The following GPAT3 variants were observed in gnomAD, a reference collection of about 807,000 sequenced individuals.
GPAT3 encodes glycerol-3-phosphate acyltransferase 3, also known as 1-AGP acyltransferase 9.
GPAT3 carries 53 observed loss-of-function variants against 58.8 expected under a neutral mutation model. The observed-to-expected ratio is 0.90, with a 90% confidence interval of 0.72 to 1.13. GPAT3 has a LOEUF of 1.13. GPAT3 is among the 50% of genes most tolerant of loss of function. GPAT3 has a pLI of 0.00. For synonymous variants in GPAT3, 197 were observed against 187.4 expected (o/e 1.05, Z -0.42); for missense variants, 511 against 527.6 (o/e 0.97, Z 0.31).
intron 2 of GPAT3, among the ~76,000 whole-genome samples, chr4:83,547,442 C>T (rs189795069): frequency 7.3e-4 from 111 of 151,532 alleles, no homozygotes; most frequent in African/African-American, 1.8e-3. Flanking sequence ...TTAGTAGAGA[C>T]GGGGTTTCAC....
At chr4:83,574,381 C>CA (rs1725707734) in intron 2 of GPAT3, among the ~76,000 whole-genome samples, 1 of 152,182 alleles carries the variant, frequency 6.6e-6, no homozygotes, top group Non-Finnish European at 1.5e-5. Context: ...GAGATGGTTT[C>CA]AACTTCTGCC....
intron 11 of GPAT3, among the ~76,000 whole-genome samples, chr4:83,604,231 C>G (rs564859167): frequency 1.3e-5 from 2 of 152,164 alleles, no homozygotes; most frequent in African/African-American, 4.8e-5. Flanking sequence ...ACCACCATGC[C>G]CAGCTAATTT....
In GPAT3 at chr4:83,604,913, G is replaced by A. The variant is rs1000611756; in HGVS notation, c.*146G>A. ...TCTCTACCTCTTTATGCCAGAGGCA[G>A]AACCTACAGGTGCCCTTTTTGGCTT... On this transcript the variant is annotated 3_prime_UTR_variant, in exon 12 of 12. Coordinates refer to ENST00000264409, the MANE Select transcript of GPAT3 (RefSeq NM_032717.5). 4.5e-6 allele frequency: 3 copies of A among 669,268 alleles called. No homozygotes were observed. Among genetic ancestry groups the A allele is most frequent in the Admixed American group, 3.2e-5 (1 of 31,726 alleles). 41.5% of individuals were successfully genotyped at this position (669,268 alleles called of 1,614,324 possible). A position where few individuals can be genotyped will look rare whatever the true frequency, so the allele number is the denominator to read the frequency against.
chr4:83,556,743 A>C (rs534254578), intron 2 of GPAT3, among the ~76,000 whole-genome samples: 33 of 152,136 alleles, frequency 2.2e-4, no homozygotes, highest in African/African-American at 7.7e-4. Context: ...GGAATATGCA[A>C]TGATGAAAAA....
chr4:83,573,690 T>G (rs1725684718), intron 2 of GPAT3, among the ~76,000 whole-genome samples: 1 of 152,186 alleles, frequency 6.6e-6, no homozygotes, highest in South Asian at 2.1e-4. Context: ...TTGCCAAGGA[T>G]CTGAGCCCCT....
At chr4:83,537,521 G>C (rs1381269656) in intron 1 of GPAT3, among the ~76,000 whole-genome samples, 1 of 151,966 alleles carries the variant, frequency 6.6e-6, no homozygotes, top group African/African-American at 2.4e-5. Context: ...TCAGAGATCA[G>C]TGGTTTCTTT....
At position 83,548,027 on chromosome 4, in the gene GPAT3, A is replaced by G. The variant is rs1724612042; in HGVS notation, c.208+3425A>G. Among the ~76,000 whole-genome samples the G allele has an allele frequency of 2.0e-5, 3 of 152,172 alleles. No homozygotes were observed. In the South Asian group the frequency reaches 6.2e-4, roughly 31 times the overall value. ...ACTTTTCCTCATTGTTAACACAAAG[A>G]AAAAGGTAAATCTTTTTCCCCACTT... is the stretch of plus-strand genomic sequence containing the variant. On this transcript the variant is annotated intron_variant, in intron 2 of 11. Coordinates refer to ENST00000264409, the MANE Select transcript of GPAT3 (RefSeq NM_032717.5).
intron 8 of GPAT3, among the ~76,000 whole-genome samples, chr4:83,597,149 CG>C (rs1424906628): frequency 6.6e-6 from 1 of 152,002 alleles, no homozygotes; most frequent in Non-Finnish European, 1.5e-5. Context: ...CAGAATTGTC[CG>C]TGACTTTAAG....
At position 83,578,829 on chromosome 4, in the gene GPAT3, A is replaced by C. The variant is rs149857265; in HGVS notation, c.209-2733A>C. ...TTAGACTTGACTTCTGAAAAAGAGA[A>C]CCTAATAATCATTCAAGAACTTACT... On this transcript the variant is annotated intron_variant, in intron 2 of 11. Coordinates refer to ENST00000264409, the MANE Select transcript of GPAT3 (RefSeq NM_032717.5). Among the ~76,000 whole-genome samples the C allele has an allele frequency of 6.9e-3, 1,040 of 151,610 alleles. 15 individuals are homozygous for C. The highest frequency in any genetic ancestry group is 0.024 in the African/African-American group (985 of 40,976).
At chr4:83,569,013 A>G (rs1725507738) in intron 2 of GPAT3, among the ~76,000 whole-genome samples, 1 of 152,182 alleles carries the variant, frequency 6.6e-6, no homozygotes, top group South Asian at 2.1e-4. Flanking sequence ...GTGACCTCCC[A>G]GTGTTCTAAT....
Position 83,605,544 on chromosome 4 carries a change from C to A in GPAT3, c.*777C>A, listed in dbSNP as rs541695419. 5.7e-3 allele frequency: 586 copies of A among 103,282 alleles called. 2 individuals carry two copies. The highest frequency in any genetic ancestry group is 9.3e-3 in the Non-Finnish European group (412 of 44,162). The allele number at this position is 103,282 out of a possible 1,614,324, so 6.4% of individuals were successfully genotyped here. A position where few individuals can be genotyped will look rare whatever the true frequency, so the allele number is the denominator to read the frequency against. The stretch of plus-strand genomic sequence containing the variant: ...CAAACACATTTTCAGATAGAAGGAG[C>A]CTTAAAAAAAAAAAATCACATTGAG... On this transcript the variant is annotated 3_prime_UTR_variant, in exon 12 of 12. Transcript: ENST00000264409.
Position 83,581,672 on chromosome 4 carries a change from A to G in GPAT3, c.319A>G (p.Ile107Val). Reference protein sequence around the residue: ...FYFSKKGLEAIVEDEVTQRFS... With the variant: ...FYFSKKGLEAVVEDEVTQRFS... ...TTTCTCCAAGAAGGGATTGGAAGCC[A>G]TTGTAGAAGATGAAGTGACCCAGAG... Residue 107 changes from isoleucine to valine, a missense_variant, in exon 3 of 12, where the codon ATT (isoleucine) becomes GTT (valine). Physicochemically the swap from Ile to Val is conservative, Grantham distance 29. Coordinates refer to ENST00000264409, the MANE Select transcript of GPAT3 (RefSeq NM_032717.5). 1.9e-6 allele frequency: 3 copies of G among 1,614,194 alleles called. No individual in the cohort carries two copies. Among genetic ancestry groups the G allele is most frequent in the Non-Finnish European group, 2.5e-6 (3 of 1,180,020 alleles).
chr4:83,568,602 G>C (rs1229109525), intron 2 of GPAT3, among the ~76,000 whole-genome samples: 1 of 151,570 alleles, frequency 6.6e-6, no homozygotes, highest in Non-Finnish European at 1.5e-5. Context: ...CCGCCTCCCA[G>C]ATTCACGCCA....
At chr4:83,571,717 CACACACAT>C (rs367952829) in intron 2 of GPAT3, among the ~76,000 whole-genome samples, 27,626 of 150,694 alleles carry the variant, frequency 0.18, 3,142 homozygotes, top group East Asian at 0.31. Flanking sequence ...CATATATATA[CACACACAT>C]ATATATATAT....
At chr4:83,583,208 C>T (rs1233273170) in intron 3 of GPAT3, among the ~76,000 whole-genome samples, 4 of 151,908 alleles carry the variant, frequency 2.6e-5, no homozygotes, top group Non-Finnish European at 5.9e-5. Flanking sequence ...ACAGGAGAAT[C>T]GCTTGAACCT....
At chr4:83,565,891 A>T (rs948776094) in intron 2 of GPAT3, among the ~76,000 whole-genome samples, 3 of 152,170 alleles carry the variant, frequency 2.0e-5, no homozygotes, top group Non-Finnish European at 2.9e-5. Flanking sequence ...GAAGAAAAGG[A>T]TTCATCAGTG....
chr4:83,540,713 C>A (rs1049470221), intron 1 of GPAT3, among the ~76,000 whole-genome samples: 5 of 151,970 alleles, frequency 3.3e-5, no homozygotes, highest in African/African-American at 9.7e-5. Context: ...TGAGACAGAG[C>A]CTCGCTCTGT....
chr4:83,600,670 T>A (rs1326986622), intron 11 of GPAT3, among the ~76,000 whole-genome samples: 1 of 149,356 alleles, frequency 6.7e-6, no homozygotes, highest in Non-Finnish European at 1.5e-5. Context: ...CCCCAGCTAA[T>A]TTTTTTTGTA....
chr4:83,592,172 C>T (rs528248078), intron 6 of GPAT3, among the ~76,000 whole-genome samples: 1 of 152,254 alleles, frequency 6.6e-6, no homozygotes, highest in South Asian at 2.1e-4. Flanking sequence ...GAGTATAACC[C>T]ATTTGTAACC....
Sources: allele counts gnomAD v4.1 joint callset (sites outside exome capture counted in the v4.1 genomes callset), GRCh38; gene constraint gnomAD v4.1.1; transcripts MANE v1.5; gene names NCBI Gene and HGNC (gene_info 2026-07-23, HGNC 2026-07-21).